The following XKR9 variants were observed in gnomAD, a reference collection of about 807,000 sequenced individuals.
XKR9 encodes XK-related protein 9.
Under a neutral mutation model 32.0 loss-of-function variants are expected in XKR9, and 32 were observed. That is an observed-to-expected ratio of 1.00 (90% CI 0.76 to 1.34). The LOEUF is 1.34. XKR9 is among the 40% of genes most tolerant of loss of function. The probability of loss-of-function intolerance (pLI) is 0.00; values close to 1 mark genes in which losing one functional copy is unlikely to be tolerated. For missense variants in XKR9, 546 were observed against 429.7 expected (o/e 1.27, Z -2.39); for synonymous variants, 168 against 143.4 (o/e 1.17, Z -1.22).
At chr8:71,050,870 G>T in the XKR9 span, among the ~76,000 whole-genome samples, 1 of 152,172 alleles carries the variant, frequency 6.6e-6, no homozygotes, top group African/African-American at 2.4e-5. Context: ...GAGCGATTCA[G>T]AATGTCAGTG....
At chr8:70,986,996 C>A in the XKR9 span, among the ~76,000 whole-genome samples, 3 of 152,272 alleles carry the variant, frequency 2.0e-5, no homozygotes, top group East Asian at 5.8e-4. Flanking sequence ...AAATTAGAAA[C>A]CCCTGATAAA....
At chr8:70,864,836 T>C in the XKR9 span, among the ~76,000 whole-genome samples, 1 of 152,204 alleles carries the variant, frequency 6.6e-6, no homozygotes, top group Non-Finnish European at 1.5e-5. Flanking sequence ...CCAGGGTGGA[T>C]GATCTCCAGA....
the XKR9 span, among the ~76,000 whole-genome samples, chr8:70,846,225 C>T: frequency 3.2e-3 from 484 of 152,088 alleles, 3 homozygotes; most frequent in African/African-American, 0.011. Context: ...TAAATGAAGG[C>T]GAAAGAAAGT....
chr8:70,910,958 C>G, the XKR9 span, among the ~76,000 whole-genome samples: 1 of 152,206 alleles, frequency 6.6e-6, no homozygotes, highest in Non-Finnish European at 1.5e-5. Context: ...TCAAGTCCAG[C>G]ACCTAGGGTC....
chr8:71,031,876 T>G, the XKR9 span, among the ~76,000 whole-genome samples: 13 of 152,356 alleles, frequency 8.5e-5, no homozygotes, highest in African/African-American at 3.1e-4. Context: ...AGGATACTGC[T>G]TCCTTGGACC....
the XKR9 span, among the ~76,000 whole-genome samples, chr8:70,969,311 T>G: frequency 4.6e-5 from 7 of 152,136 alleles, no homozygotes; most frequent in Non-Finnish European, 1.0e-4. Context: ...TCAGCAAAAT[T>G]AAAACTATGT....
At chr8:70,970,485 C>T in the XKR9 span, among the ~76,000 whole-genome samples, 2 of 152,104 alleles carry the variant, frequency 1.3e-5, no homozygotes, top group Non-Finnish European at 2.9e-5. Flanking sequence ...CACCCCCCAA[C>T]AGGCCCCAGT....
chr8:71,063,923 G>A, the XKR9 span, among the ~76,000 whole-genome samples: 3 of 152,150 alleles, frequency 2.0e-5, no homozygotes, highest in Admixed American at 6.5e-5. Flanking sequence ...TGGGAAGAAC[G>A]GGGTATGTAT....
At chr8:71,064,176 T>G in the XKR9 span, among the ~76,000 whole-genome samples, 1 of 152,306 alleles carries the variant, frequency 6.6e-6, no homozygotes, top group Middle Eastern at 3.4e-3. Flanking sequence ...ATACCCATCA[T>G]TGAGATTTAA....
intron 3 of XKR9, among the ~76,000 whole-genome samples, chr8:70,703,888 T>C (rs909995984): frequency 6.6e-6 from 1 of 152,156 alleles, no homozygotes; most frequent in Non-Finnish European, 1.5e-5. Context: ...ATTTGTTTCA[T>C]AAAAGTGAAA....
At chr8:70,703,965 G>A (rs1805630888) in intron 3 of XKR9, among the ~76,000 whole-genome samples, 1 of 152,104 alleles carries the variant, frequency 6.6e-6, no homozygotes, top group East Asian at 1.9e-4. Flanking sequence ...GGTGGATCAT[G>A]AGGTCAGGAG....
chr8:71,009,397 A>AATT, the XKR9 span, among the ~76,000 whole-genome samples: 1 of 116,654 alleles, frequency 8.6e-6, no homozygotes, highest in Non-Finnish European at 2.1e-5. Context: ...GGCCCAAGAG[A>AATT]ATTCTTCTTC....
the XKR9 span, among the ~76,000 whole-genome samples, chr8:70,825,398 T>C: frequency 2.0e-5 from 3 of 152,084 alleles, no homozygotes; most frequent in Non-Finnish European, 4.4e-5. Context: ...TTCATAGTTT[T>C]CTTAGATATT....
chr8:70,860,212 G>C, the XKR9 span, among the ~76,000 whole-genome samples: 10 of 152,136 alleles, frequency 6.6e-5, no homozygotes, highest in African/African-American at 2.4e-4. Context: ...ATCCCAGTGT[G>C]ATAGTATTTG....
chr8:71,028,439 A>G, the XKR9 span, among the ~76,000 whole-genome samples: 12 of 152,210 alleles, frequency 7.9e-5, no homozygotes, highest in Non-Finnish European at 1.5e-4. Context: ...TTAAACTCAT[A>G]GAAGTAGAAA....
At chr8:70,938,071 A>G in the XKR9 span, among the ~76,000 whole-genome samples, 1 of 152,026 alleles carries the variant, frequency 6.6e-6, no homozygotes, top group African/African-American at 2.4e-5. Context: ...GGCAAAATGT[A>G]CATTGTGGAT....
chr8:70,774,213 G>T (rs544077700), intron 2 of XKR9, among the ~76,000 whole-genome samples: 1 of 152,298 alleles, frequency 6.6e-6, no homozygotes, highest in African/African-American at 2.4e-5. Context: ...TGATTGCGTA[G>T]AAAAAGGAAA....
At chr8:70,705,906 G>T (rs1159903111) in intron 3 of XKR9, among the ~76,000 whole-genome samples, 1 of 152,114 alleles carries the variant, frequency 6.6e-6, no homozygotes, top group African/African-American at 2.4e-5. Context: ...GAAGTGGTAA[G>T]AAGTGTTTAG....
intron 2 of XKR9, among the ~76,000 whole-genome samples, chr8:70,771,418 C>G (rs1460757024): frequency 6.6e-6 from 1 of 152,146 alleles, no homozygotes; most frequent in Non-Finnish European, 1.5e-5. Context: ...TCCTTATTGA[C>G]TTGAAATTTT....
Sources: allele counts gnomAD v4.1 joint callset (sites outside exome capture counted in the v4.1 genomes callset), GRCh38; gene constraint gnomAD v4.1.1; transcripts MANE v1.5; gene names NCBI Gene and HGNC (gene_info 2026-07-23, HGNC 2026-07-21).